EYS: variants seen among roughly 807,000 people sequenced by gnomAD.
EYS encodes the protein EGF-like photoreceptor maintenance factor.
Under a neutral mutation model 282.1 loss-of-function variants are expected in EYS, and 250 were observed. The ratio of observed to expected loss-of-function variants is 0.89; its 90% CI spans 0.80 to 0.98. The LOEUF is 0.98. Among genes scored for constraint, EYS ranks in the 50% least tolerant of loss-of-function variants. The pLI is 0.00. For synonymous variants in EYS, 1,355 were observed against 1,282.9 expected (o/e 1.06, Z -1.20); for missense variants, 4,016 against 3,709.0 (o/e 1.08, Z -2.15).
chr6:64,447,794 T>G (rs1397660849), intron 26 of EYS, among the ~76,000 whole-genome samples: 4 of 152,228 alleles, frequency 2.6e-5, no homozygotes, highest in Non-Finnish European at 2.9e-5. Flanking sequence ...ACTAGTCAAG[T>G]AGTTGAATAA....
chr6:64,999,467 G>A (rs962392122), intron 13 of EYS, among the ~76,000 whole-genome samples: 1 of 152,266 alleles, frequency 6.6e-6, no homozygotes. Context: ...GAAGGGGGAA[G>A]GGAAGTGCTG....
At chr6:64,683,764 C>G (rs769595671) in intron 22 of EYS, among the ~76,000 whole-genome samples, 5 of 152,132 alleles carry the variant, frequency 3.3e-5, no homozygotes, top group Non-Finnish European at 7.4e-5. Context: ...TCAAGTTGCT[C>G]CAGTTTGTAC....
intron 29 of EYS, among the ~76,000 whole-genome samples, chr6:64,329,515 T>C (rs928826181): frequency 9.2e-5 from 14 of 151,796 alleles, no homozygotes; most frequent in African/African-American, 3.4e-4. Flanking sequence ...AATGAGGCAA[T>C]GTATAAGGAA....
Position 65,264,860 on chromosome 6 carries a change from C to T in EYS, c.2023+31003G>A, listed in dbSNP as rs763836505. Among the ~76,000 whole-genome samples, 55 of 151,736 alleles carry T rather than the reference C, an allele frequency of 3.6e-4. No homozygotes were observed. The Middle Eastern group carries it at 0.01, about 28-fold the overall frequency. On this transcript the variant is annotated intron_variant, in intron 12 of 42. Transcript: ENST00000503581. Reference sequence around the variant, plus strand: ...AAATATTTGGAATGATTTTTACTTACATTATCATAGATATATCTGTGTAGA... The same window carrying T: ...AAATATTTGGAATGATTTTTACTTATATTATCATAGATATATCTGTGTAGA...
At chr6:65,641,151 T>C (rs948391667) in intron 1 of EYS, among the ~76,000 whole-genome samples, 2 of 152,218 alleles carry the variant, frequency 1.3e-5, no homozygotes, top group African/African-American at 4.8e-5. Context: ...TAGAAGTTGG[T>C]ACATGATTTG....
At chr6:64,682,932 C>A (rs547272257) in intron 22 of EYS, among the ~76,000 whole-genome samples, 2 of 152,290 alleles carry the variant, frequency 1.3e-5, no homozygotes, top group African/African-American at 4.8e-5. Context: ...TATGGATTCA[C>A]AGCCAGTAAC....
At chr6:64,145,995 A>G (rs1774506894) in intron 31 of EYS, among the ~76,000 whole-genome samples, 1 of 152,120 alleles carries the variant, frequency 6.6e-6, no homozygotes, top group African/African-American at 2.4e-5. Flanking sequence ...CTAAAGTAAG[A>G]TAGTGTAACT....
At chr6:65,115,875 A>G (rs1775355184) in intron 12 of EYS, among the ~76,000 whole-genome samples, 2 of 152,062 alleles carry the variant, frequency 1.3e-5, no homozygotes, top group Admixed American at 6.6e-5. Flanking sequence ...TTCACCCCAC[A>G]TGTTTCTGAC....
intron 13 of EYS, among the ~76,000 whole-genome samples, chr6:65,032,387 G>C (rs900056014): frequency 3.3e-5 from 5 of 152,136 alleles, no homozygotes; most frequent in African/African-American, 7.2e-5. Flanking sequence ...CCATGCTGGA[G>C]GGGGCCTGGT....
intron 5 of EYS, among the ~76,000 whole-genome samples, chr6:65,479,075 T>C (rs1325826033): frequency 7.0e-6 from 1 of 143,380 alleles, no homozygotes; most frequent in Non-Finnish European, 1.6e-5. Context: ...AGGAGAATTC[T>C]TAATCTACCA....
chr6:64,948,686 T>C (rs1332806914), intron 14 of EYS, among the ~76,000 whole-genome samples: 2 of 150,244 alleles, frequency 1.3e-5, no homozygotes, highest in Admixed American at 1.3e-4. Context: ...AAGCACATTT[T>C]CAGCCAATTT....
In EYS at chr6:64,970,078, G is replaced by A. The variant is rs945534154; in HGVS notation, c.2260-24164C>T. ...AAGCAGATTTTTTTCAATAAGTATTGTTGGAAAATTTGGGGTAGATTTGTA... is the reference window on the plus strand; with the variant it reads ...AAGCAGATTTTTTTCAATAAGTATTATTGGAAAATTTGGGGTAGATTTGTA... On this transcript the variant is annotated intron_variant, in intron 14 of 42. Coordinates refer to ENST00000503581, the MANE Select transcript of EYS (RefSeq NM_001142800.2). Among the ~76,000 whole-genome samples the A allele has an allele frequency of 9.2e-5, 14 of 151,872 alleles. 1 individual carries two copies. The East Asian group carries it at 2.7e-3, about 30-fold the overall frequency.
At chr6:65,521,540 T>C (rs1767372473) in intron 2 of EYS, among the ~76,000 whole-genome samples, 1 of 152,164 alleles carries the variant, frequency 6.6e-6, no homozygotes, top group Non-Finnish European at 1.5e-5. Flanking sequence ...AAAAAACCCC[T>C]CTATCCCATA....
chr6:64,559,390 C>G (rs1028932272), intron 26 of EYS, among the ~76,000 whole-genome samples: 1 of 151,594 alleles, frequency 6.6e-6, no homozygotes, highest in South Asian at 2.1e-4. Flanking sequence ...AAGTCCTCGT[C>G]TCAAGGGATC....
At chr6:65,559,338 C>G (rs532765633) in intron 2 of EYS, among the ~76,000 whole-genome samples, 1 of 151,930 alleles carries the variant, frequency 6.6e-6, no homozygotes, top group Non-Finnish European at 1.5e-5. Context: ...GCTGAGATCA[C>G]GTCACTGCAC....
chr6:64,331,796 C>G (rs1289648343), intron 29 of EYS, among the ~76,000 whole-genome samples: 3 of 152,174 alleles, frequency 2.0e-5, no homozygotes, highest in Non-Finnish European at 4.4e-5. Flanking sequence ...GAAACTGGAG[C>G]TACACCGTGT....
At chr6:64,727,589 G>A (rs191392307) in intron 22 of EYS, among the ~76,000 whole-genome samples, 1 of 152,170 alleles carries the variant, frequency 6.6e-6, no homozygotes, top group East Asian at 1.9e-4. Flanking sequence ...AACAATCCTT[G>A]AATTTCTTGT....
intron 29 of EYS, chr6:64,379,521 C>T (rs1205049428): frequency 1.3e-5 from 2 of 151,956 alleles, no homozygotes; most frequent in Admixed American, 6.6e-5. Context: ...AAATTTATTT[C>T]GTAGTTTAAA....
intron 22 of EYS, among the ~76,000 whole-genome samples, chr6:64,653,428 T>C (rs1034953885): frequency 2.0e-5 from 3 of 152,200 alleles, no homozygotes; most frequent in African/African-American, 7.2e-5. Context: ...AGTGACTGTC[T>C]CAGTTATTGG....
Sources: gnomAD v4.1 joint callset for allele counts (sites outside exome capture counted in the v4.1 genomes callset) on GRCh38, gnomAD v4.1.1 for gene constraint, MANE v1.5 for transcripts, NCBI Gene and HGNC (gene_info 2026-07-23, HGNC 2026-07-21) for gene names.